LSAMP: variants seen among roughly 807,000 people sequenced by gnomAD.
The protein encoded by LSAMP is limbic system-associated membrane protein.
Under a neutral mutation model 38.6 loss-of-function variants are expected in LSAMP, and 7 were observed. The ratio of observed to expected loss-of-function variants is 0.18; its 90% CI spans 0.10 to 0.34. LSAMP has a LOEUF of 0.34. Among genes scored for constraint, LSAMP ranks in the 10% least tolerant of loss-of-function variants. The pLI is 1.00. For synonymous variants in LSAMP, 154 were observed against 166.8 expected, an observed-to-expected ratio of 0.92 and a Z score of 0.59; for missense variants, 313 against 420.0, an observed-to-expected ratio of 0.75 and a Z score of 2.23.
chr3:115,995,353 C>T (rs1474607996), intron 3 of LSAMP, among the ~76,000 whole-genome samples: 4 of 152,014 alleles, frequency 2.6e-5, no homozygotes, highest in African/African-American at 9.7e-5. Context: ...GCTTTTTCCT[C>T]TTGTTTAATT....
chr3:115,913,850 G>A (rs1233617968), intron 3 of LSAMP, among the ~76,000 whole-genome samples: 1 of 152,064 alleles, frequency 6.6e-6, no homozygotes, highest in Non-Finnish European at 1.5e-5. Flanking sequence ...CACAGAGTAA[G>A]GGCCGAAATC....
intron 2 of LSAMP, among the ~76,000 whole-genome samples, chr3:116,026,602 G>A (rs1422708083): frequency 2.6e-5 from 4 of 152,184 alleles, no homozygotes; most frequent in African/African-American, 7.2e-5. Flanking sequence ...TGGACAAGGA[G>A]TGGGTACAAG....
chr3:116,003,904 T>C (rs1302113003), intron 3 of LSAMP, among the ~76,000 whole-genome samples: 1 of 152,196 alleles, frequency 6.6e-6, no homozygotes, highest in Non-Finnish European at 1.5e-5. Context: ...AATAGTGAGA[T>C]AACACCTTTC....
At chr3:116,179,972 T>C (rs765133279) in intron 1 of LSAMP, among the ~76,000 whole-genome samples, 1 of 152,204 alleles carries the variant, frequency 6.6e-6, no homozygotes, top group Non-Finnish European at 1.5e-5. Flanking sequence ...AGAAGTAGTA[T>C]TTGTTCTAAG....
chr3:116,131,245 C>A (rs1406207370), intron 1 of LSAMP, among the ~76,000 whole-genome samples: 6 of 151,946 alleles, frequency 3.9e-5, no homozygotes, highest in African/African-American at 1.5e-4. Context: ...CCCACCTTGG[C>A]CTCCCTAAGA....
chr3:116,231,802 G>A (rs974034479), intron 1 of LSAMP, among the ~76,000 whole-genome samples: 24 of 152,250 alleles, frequency 1.6e-4, no homozygotes, highest in Admixed American at 1.1e-3. Context: ...GAATTTCCTC[G>A]GCAGCTCAGA....
chr3:116,250,905 C>T (rs1164497851), intron 1 of LSAMP, among the ~76,000 whole-genome samples: 1 of 151,930 alleles, frequency 6.6e-6, no homozygotes, highest in Non-Finnish European at 1.5e-5. Flanking sequence ...CAAAAGAAAG[C>T]TATAAAAGAA....
chr3:116,167,050 C>T (rs1394628792), intron 1 of LSAMP, among the ~76,000 whole-genome samples: 1 of 152,106 alleles, frequency 6.6e-6, no homozygotes, highest in Non-Finnish European at 1.5e-5. Context: ...CTTGGCCTCC[C>T]AAAGTGCTGG....
In LSAMP at chr3:116,292,302, A is replaced by G. The variant is rs998451821; in HGVS notation, c.155+152575T>C. ...TCTCACTACGCAAAAGCAGCACATA[A>G]GAATGAAAAGAAGATGATTCCAGCC... On this transcript the variant is annotated intron_variant, in intron 1 of 6. Coordinates refer to ENST00000490035, the MANE Select transcript of LSAMP (RefSeq NM_002338.5). Among the ~76,000 whole-genome samples the G allele has an allele frequency of 3.9e-4, 60 of 152,220 alleles. 1 individual carries two copies. The highest frequency in any genetic ancestry group is 1.4e-3 in the African/African-American group (57 of 41,454).
chr3:115,814,291 A>G (rs1933937300), intron 6 of LSAMP: 1 of 152,222 alleles, frequency 6.6e-6, no homozygotes, highest in Non-Finnish European at 1.5e-5. Flanking sequence ...CCAAGGTGGA[A>G]TAAGTTAGAT....
At chr3:116,088,383 C>A (rs1402874200) in intron 1 of LSAMP, among the ~76,000 whole-genome samples, 1 of 152,046 alleles carries the variant, frequency 6.6e-6, no homozygotes, top group Non-Finnish European at 1.5e-5. Context: ...TCATGAGCAC[C>A]AAGCTAACTT....
chr3:116,332,556 A>G (rs1484562103), intron 1 of LSAMP, among the ~76,000 whole-genome samples: 1 of 152,184 alleles, frequency 6.6e-6, no homozygotes, highest in Non-Finnish European at 1.5e-5. Context: ...ATGCAAAAGG[A>G]GAATAATGCA....
intron 1 of LSAMP, among the ~76,000 whole-genome samples, chr3:116,260,633 C>T (rs2046813515): frequency 6.6e-6 from 1 of 152,086 alleles, no homozygotes; most frequent in South Asian, 2.1e-4. Flanking sequence ...GTGCTGGTTA[C>T]CTGGAGGAGG....
intron 1 of LSAMP, among the ~76,000 whole-genome samples, chr3:116,129,883 C>G (rs1232478689): frequency 6.6e-6 from 1 of 152,200 alleles, no homozygotes; most frequent in Non-Finnish European, 1.5e-5. Flanking sequence ...AAGAGAGGCA[C>G]TGGACTTCAG....
chr3:116,195,688 C>A (rs1292399283), intron 1 of LSAMP, among the ~76,000 whole-genome samples: 2 of 142,352 alleles, frequency 1.4e-5, no homozygotes, highest in Non-Finnish European at 3.0e-5. Context: ...AAAAACTGTT[C>A]TAGGATAAAA....
chr3:115,980,364 A>G (rs1939321065), intron 3 of LSAMP, among the ~76,000 whole-genome samples: 1 of 152,136 alleles, frequency 6.6e-6, no homozygotes, highest in African/African-American at 2.4e-5. Flanking sequence ...CCAGAACTTC[A>G]AAATAGATAC....
intron 1 of LSAMP, among the ~76,000 whole-genome samples, chr3:116,378,690 C>T (rs1306524739): frequency 6.6e-6 from 1 of 151,808 alleles, no homozygotes; most frequent in Non-Finnish European, 1.5e-5. Context: ...GGTGAAGATA[C>T]AAAGTTAAAC....
At chr3:116,379,244 C>T (rs771087647) in intron 1 of LSAMP, among the ~76,000 whole-genome samples, 5 of 151,904 alleles carry the variant, frequency 3.3e-5, no homozygotes, top group African/African-American at 9.7e-5. Flanking sequence ...AAGATATAGT[C>T]GCATATGTTT....
intron 1 of LSAMP, among the ~76,000 whole-genome samples, chr3:116,220,846 G>A (rs554014799): frequency 6.6e-6 from 1 of 152,252 alleles, no homozygotes; most frequent in Admixed American, 6.5e-5. Context: ...TTCCAGTCTT[G>A]GTTCTGAGAC....
Sources: gnomAD v4.1 joint callset for allele counts (sites outside exome capture counted in the v4.1 genomes callset) on GRCh38, gnomAD v4.1.1 for gene constraint, MANE v1.5 for transcripts, NCBI Gene and HGNC (gene_info 2026-07-23, HGNC 2026-07-21) for gene names.